Variants in COL4A4 observed in about 807,000 individuals in gnomAD.
The protein encoded by COL4A4 is collagen type IV alpha 4 chain.
Under a neutral mutation model 192.9 loss-of-function variants are expected in COL4A4, and 105 were observed. The ratio of observed to expected loss-of-function variants is 0.54; its 90% confidence interval spans 0.46 to 0.64. The LOEUF (loss-of-function observed/expected upper bound fraction) is 0.64. COL4A4 is among the 30% of genes least tolerant of loss of function. The pLI is 0.00. For missense variants in COL4A4, 1,967 were observed against 2,169.3 expected, an observed-to-expected ratio of 0.91 and a Z score of 1.85; for synonymous variants, 762 against 769.9, an observed-to-expected ratio of 0.99 and a Z score of 0.17.
intron 3 of COL4A4, among the ~76,000 whole-genome samples, chr2:227,142,982 T>C (rs926575698): frequency 1.3e-5 from 2 of 150,860 alleles, no homozygotes; most frequent in African/African-American, 2.5e-5. Context: ...AATAAGCATA[T>C]TCATACAATG....
At chr2:227,026,526 A>G (rs956925147) in intron 42 of COL4A4, among the ~76,000 whole-genome samples, 3 of 152,016 alleles carry the variant, frequency 2.0e-5, no homozygotes, top group African/African-American at 4.8e-5. Context: ...GAATCAACAT[A>G]TAAGCCCTTG....
downstream of COL4A4, among the ~76,000 whole-genome samples, chr2:227,002,168 CAAAAAAA>C (rs55908824): frequency 6.8e-3 from 519 of 76,168 alleles, 3 homozygotes; most frequent in African/African-American, 0.021. Flanking sequence ...GACCCTGTCT[CAAAAAAA>C]AAAAAAAAAA....
chr2:226,971,044 CTTAA>C, the COL4A4 span, among the ~76,000 whole-genome samples: 2 of 152,182 alleles, frequency 1.3e-5, no homozygotes, highest in Non-Finnish European at 2.9e-5. Flanking sequence ...TTCGTAGACA[CTTAA>C]TTAAATGTTT....
chr2:227,041,763 G>A (rs1970966477), intron 37 of COL4A4, among the ~76,000 whole-genome samples: 4 of 119,160 alleles, frequency 3.4e-5, no homozygotes, highest in African/African-American at 1.4e-4. Context: ...AGGAAGGAAG[G>A]AAGGAAGGAA....
At chr2:227,083,442 CTTT>C (rs1048140725) in intron 22 of COL4A4, among the ~76,000 whole-genome samples, 9 of 152,026 alleles carry the variant, frequency 5.9e-5, no homozygotes, top group Admixed American at 2.6e-4. Context: ...GTCGTATTTT[CTTT>C]TTATTTATTT....
chr2:226,999,805 G>A (rs12105952), downstream of COL4A4, among the ~76,000 whole-genome samples: 75,777 of 151,918 alleles, frequency 0.5, 19,857 homozygotes, highest in African/African-American at 0.67. Context: ...CACTTCTGCT[G>A]TGTGGCTCTC....
At chr2:227,113,669 T>G (rs1365374806) in intron 8 of COL4A4, among the ~76,000 whole-genome samples, 1 of 152,176 alleles carries the variant, frequency 6.6e-6, no homozygotes, top group Non-Finnish European at 1.5e-5. Context: ...GCTGTTGACG[T>G]TTAGTTTATT....
At chr2:227,129,146 A>C (rs1231901210) in intron 4 of COL4A4, among the ~76,000 whole-genome samples, 1 of 152,182 alleles carries the variant, frequency 6.6e-6, no homozygotes, top group Non-Finnish European at 1.5e-5. Context: ...TAAAGCAGAA[A>C]GTCATCCCTG....
chr2:226,983,692 G>C, the COL4A4 span, among the ~76,000 whole-genome samples: 1 of 152,104 alleles, frequency 6.6e-6, no homozygotes, highest in Non-Finnish European at 1.5e-5. Context: ...AAAGGTTAAG[G>C]AGTGTTTTAA....
chr2:227,114,638 T>C lies in COL4A4; in HGVS notation c.548A>G (p.Lys183Arg), dbSNP rs1277626593. Residue 183 changes from lysine to arginine, a missense_variant, in exon 8 of 48, where the codon AAA becomes AGA. Physicochemically the swap from Lys to Arg is conservative, Grantham distance 26. Transcript: ENST00000396625. ...GATCATAATACTTACCTGAATACCT[T>C]TAACGGCACCTAAAATGAACACTGA... ...GNSVFILGAV[K>R]GIQGDRGDPG... 1 of 1,614,060 alleles carries C rather than the reference T, an allele frequency of 6.2e-7. No individual in the cohort carries two copies. The highest frequency in any genetic ancestry group is 1.7e-5 in the Admixed American group (1 of 60,028).
the COL4A4 span, chr2:226,988,739 T>G: frequency 2.2e-6 from 2 of 915,456 alleles, no homozygotes; most frequent in Non-Finnish European, 2.6e-6. Context: ...TATTAAGAGA[T>G]AGAACGAGCA....
intron 19 of COL4A4, 61 bp downstream of exon 19, chr2:227,098,633 T>C: frequency 8.1e-7 from 1 of 1,235,730 alleles, no homozygotes; most frequent in Non-Finnish European, 1.2e-6. Context: ...AAGCTACTGG[T>C]GCTGATGATG....
chr2:227,065,888 G>A (rs1038656656), intron 25 of COL4A4, among the ~76,000 whole-genome samples: 6 of 152,236 alleles, frequency 3.9e-5, no homozygotes, highest in Admixed American at 6.5e-5. Flanking sequence ...TCACTTTGAC[G>A]AGCTGAGAGA....
intron 34 of COL4A4, among the ~76,000 whole-genome samples, chr2:227,048,105 A>G (rs1973286562): frequency 6.6e-6 from 1 of 152,202 alleles, no homozygotes; most frequent in Admixed American, 6.5e-5. Context: ...TAATGCTTCC[A>G]GACACAAGGA....
At chr2:227,080,688 A>G in intron 23 of COL4A4, 139 bp from the exon 24 acceptor site, 2 of 710,300 alleles carry the variant, frequency 2.8e-6, no homozygotes, top group Non-Finnish European at 4.9e-6. Context: ...AGTCACATAA[A>G]ACATGCCAAA....
In COL4A4 at chr2:227,119,901, G is replaced by A; in HGVS notation, c.366C>T (p.Gly122=). The change falls in exon 6 of 48, where the codon GGC becomes GGT. Residue 122 remains glycine, a synonymous_variant. Transcript: ENST00000396625. ...AAAATTTAGGGATACTTACAGGTAT[G>A]CCATCTAAACCTGGAAATCCAGGAA... The part of the protein sequence containing the change: ...TGVPGFPGLD[G]IPGHPGPPGP... 6.3e-7 allele frequency: 1 copy of A among 1,585,846 alleles called. No individual in the cohort carries two copies. Among genetic ancestry groups the A allele is most frequent in the Non-Finnish European group, 8.6e-7 (1 of 1,164,758 alleles).
intron 44 of COL4A4, among the ~76,000 whole-genome samples, chr2:227,016,306 T>C (rs1485305149): frequency 6.6e-6 from 1 of 152,198 alleles, no homozygotes; most frequent in Non-Finnish European, 1.5e-5. Flanking sequence ...CACGTGTTCA[T>C]TCACCAAATG....
intron 25 of COL4A4, among the ~76,000 whole-genome samples, chr2:227,077,172 A>G (rs139506088): frequency 6.6e-6 from 1 of 152,340 alleles, no homozygotes; most frequent in Admixed American, 6.5e-5. Flanking sequence ...TCATTCTACT[A>G]TAAAGACACA....
intron 4 of COL4A4, among the ~76,000 whole-genome samples, chr2:227,130,095 T>A (rs1487934003): frequency 1.3e-5 from 2 of 152,148 alleles, no homozygotes; most frequent in Admixed American, 1.3e-4. Flanking sequence ...TCAAAATAAA[T>A]AACAAAAGGT....
Sources: allele counts gnomAD v4.1 joint callset (sites outside exome capture counted in the v4.1 genomes callset), GRCh38; gene constraint gnomAD v4.1.1; transcripts MANE v1.5; gene names NCBI Gene and HGNC (gene_info 2026-07-23, HGNC 2026-07-21).